LRRIQ1: variants seen among roughly 807,000 people sequenced by gnomAD.
LRRIQ1 encodes leucine rich repeats and IQ motif containing 1.
A neutral mutation model predicts 211.9 loss-of-function variants in LRRIQ1; 210 were observed. The observed-to-expected ratio is 0.99, with a 90% CI of 0.89 to 1.11. The LOEUF (loss-of-function observed/expected upper bound fraction) is 1.11, where lower values mean the gene tolerates loss of function less well. LRRIQ1 is among the 50% of genes most tolerant of loss of function. The pLI, the probability that LRRIQ1 is intolerant of heterozygous loss-of-function variation, is 0.00. For missense variants in LRRIQ1, 2,136 were observed against 1,939.5 expected (o/e 1.10, Z -1.90); for synonymous variants, 699 against 650.1 (o/e 1.08, Z -1.14).
chr12:85,096,954 G>C (rs765776779), intron 11 of LRRIQ1, among the ~76,000 whole-genome samples: 1 of 152,090 alleles, frequency 6.6e-6, no homozygotes, highest in Non-Finnish European at 1.5e-5. Context: ...TTAAAGCATA[G>C]TTTATCTGAC....
intron 24 of LRRIQ1, among the ~76,000 whole-genome samples, chr12:85,188,170 T>A (rs1892322246): frequency 1.3e-5 from 2 of 152,064 alleles, no homozygotes; most frequent in African/African-American, 4.8e-5. Flanking sequence ...CAAGTAATCC[T>A]TGCAAATACA....
downstream of LRRIQ1, among the ~76,000 whole-genome samples, chr12:85,247,263 T>G (rs1895755297): frequency 6.6e-6 from 1 of 151,562 alleles, no homozygotes; most frequent in Non-Finnish European, 1.5e-5. Context: ...GTTAACAGCT[T>G]TGGTATCTTG....
At chr12:85,146,128 G>A (rs1889878946) in intron 19 of LRRIQ1, among the ~76,000 whole-genome samples, 1 of 140,996 alleles carries the variant, frequency 7.1e-6, no homozygotes, top group South Asian at 2.1e-4. Context: ...TCCAACTATA[G>A]CTGGACTCCT....
chr12:85,038,217 C>T lies in LRRIQ1; in HGVS notation c.41C>T (p.Ala14Val), dbSNP rs200816060. ...DDAKLKAEIE[A>V]ELDKLSISSL... Reference sequence around the variant, plus strand: ...GCAAAGCTCAAAGCAGAAATAGAAGCTGAATTGGATAAACTCAGCATTTCC... The same window carrying T: ...GCAAAGCTCAAAGCAGAAATAGAAGTTGAATTGGATAAACTCAGCATTTCC... The change falls in exon 2 of 27, where the codon GCT (alanine) becomes GTT (valine). Residue 14 changes from alanine (A) to valine (V), a missense_variant. By Grantham distance (64) the Ala-to-Val change is moderately conservative (BLOSUM62 0). Transcript: ENST00000393217. 63 of 1,581,946 alleles carry T rather than the reference C, an allele frequency of 4.0e-5. No homozygotes were observed. In the African/African-American group the frequency reaches 7.1e-4, roughly 18 times the overall value.
intron 6 of LRRIQ1, among the ~76,000 whole-genome samples, chr12:85,049,525 T>C (rs571249134): frequency 2.0e-5 from 3 of 152,274 alleles, no homozygotes; most frequent in South Asian, 4.1e-4. Context: ...AACACTCCTA[T>C]CATCTTCCTC....
intron 11 of LRRIQ1, chr12:85,076,662 A>G (rs1883697090): frequency 1.2e-5 from 4 of 344,268 alleles, no homozygotes. Flanking sequence ...CGTGGCTCAT[A>G]GTGCTTGGAA....
intron 26 of LRRIQ1, among the ~76,000 whole-genome samples, chr12:85,236,752 A>G (rs1037506827): frequency 3.4e-4 from 51 of 148,408 alleles, no homozygotes; most frequent in African/African-American, 1.2e-3. Context: ...ATATATTTGG[A>G]TATATATATA....
Position 85,124,435 on chromosome 12 carries a change from C to G in LRRIQ1, c.3923C>G (p.Pro1308Arg). The G allele has an allele frequency of 6.2e-7, 1 of 1,613,908 alleles. No individual in the cohort carries two copies. Among genetic ancestry groups the G allele is most frequent in the Non-Finnish European group, 8.5e-7 (1 of 1,180,022 alleles). Residue 1308 changes from proline (P) to arginine (R), a missense_variant, in exon 17 of 27, where the codon CCC becomes CGC. By Grantham distance (103) the Pro-to-Arg change is moderately radical (BLOSUM62 -2). Coordinates refer to ENST00000393217, the MANE Select transcript of LRRIQ1 (RefSeq NM_001079910.2). ...GAAGACAGCAAGGCAAGCAGTATTC[C>G]CACCATAAGAATCCCATTTAAGGAA... is the stretch of plus-strand genomic sequence containing the variant. ...KREDSKASSI[P>R]TIRIPFKEVV...
At chr12:85,185,449 A>T (rs1279926614) in intron 24 of LRRIQ1, among the ~76,000 whole-genome samples, 1 of 151,942 alleles carries the variant, frequency 6.6e-6, no homozygotes, top group Non-Finnish European at 1.5e-5. Flanking sequence ...GCCCCTTAAA[A>T]TCATTCTATT....
chr12:85,087,876 G>A (rs1460904727), intron 11 of LRRIQ1, among the ~76,000 whole-genome samples: 2 of 151,700 alleles, frequency 1.3e-5, no homozygotes, highest in African/African-American at 2.4e-5. Flanking sequence ...TTGCAAAAAT[G>A]TTCTCCCATT....
At chr12:85,146,133 A>G (rs1407382711) in intron 19 of LRRIQ1, among the ~76,000 whole-genome samples, 1 of 139,920 alleles carries the variant, frequency 7.1e-6, no homozygotes, top group Non-Finnish European at 1.6e-5. Flanking sequence ...CTATAGCTGG[A>G]CTCCTTCTTT....
intron 19 of LRRIQ1, among the ~76,000 whole-genome samples, chr12:85,149,371 C>G (rs964915696): frequency 4.6e-5 from 7 of 151,852 alleles, no homozygotes; most frequent in African/African-American, 1.7e-4. Flanking sequence ...CTGCATATGG[C>G]TAGCCAGTTT....
intron 24 of LRRIQ1, among the ~76,000 whole-genome samples, chr12:85,208,675 A>G (rs1893683414): frequency 6.6e-6 from 1 of 152,134 alleles, no homozygotes. Flanking sequence ...AAAAATGAAA[A>G]CTATTATTGA....
At chr12:85,194,684 G>A (rs542928909) in intron 24 of LRRIQ1, among the ~76,000 whole-genome samples, 60 of 152,102 alleles carry the variant, frequency 3.9e-4, no homozygotes, top group Admixed American at 1.2e-3. Context: ...TGTGTAGAGG[G>A]AAATTTATAG....
intron 24 of LRRIQ1, among the ~76,000 whole-genome samples, chr12:85,221,471 A>C (rs1894399698): frequency 6.6e-6 from 1 of 152,170 alleles, no homozygotes; most frequent in Admixed American, 6.6e-5. Context: ...AAGAAAATAA[A>C]ATATAATGTA....
chr12:85,102,953 A>ATATATATATATATATAT (rs1555207709), intron 13 of LRRIQ1, among the ~76,000 whole-genome samples: 6 of 118,782 alleles, frequency 5.1e-5, no homozygotes, highest in East Asian at 3.0e-4. Context: ...GCAAAAAAAA[A>ATATATATATATATATAT]AAAAAAATAT....
chr12:85,248,876 T>A (rs1895814256), downstream of LRRIQ1, among the ~76,000 whole-genome samples: 1 of 151,746 alleles, frequency 6.6e-6, no homozygotes, highest in Non-Finnish European at 1.5e-5. Context: ...AGAGTCTGTC[T>A]GGGCCAGAGG....
At chr12:85,082,520 A>G (rs915471230) in intron 11 of LRRIQ1, among the ~76,000 whole-genome samples, 1 of 152,012 alleles carries the variant, frequency 6.6e-6, no homozygotes, top group Non-Finnish European at 1.5e-5. Flanking sequence ...AACATTATGT[A>G]TGTGTGATAT....
At chr12:85,179,100 C>CTCTTT (rs1891859796) in intron 24 of LRRIQ1, among the ~76,000 whole-genome samples, 1 of 151,874 alleles carries the variant, frequency 6.6e-6, no homozygotes, top group Admixed American at 6.6e-5. Flanking sequence ...TCTGTCCTTC[C>CTCTTT]TCTTTTTATT....
Sources: allele counts gnomAD v4.1 joint callset (sites outside exome capture counted in the v4.1 genomes callset), GRCh38; gene constraint gnomAD v4.1.1; transcripts MANE v1.5; gene names NCBI Gene and HGNC (gene_info 2026-07-23, HGNC 2026-07-21).